ASTN2: variants seen among roughly 807,000 people sequenced by gnomAD.
ASTN2 encodes astrotactin 2.
A neutral mutation model predicts 139.8 loss-of-function variants in ASTN2; 54 were observed. That is an observed-to-expected ratio of 0.39 (90% CI 0.31 to 0.48). ASTN2 has a LOEUF of 0.48. ASTN2 is among the 20% of genes least tolerant of loss of function. The probability of loss-of-function intolerance (pLI) is 0.95; values close to 1 mark genes in which losing one functional copy is unlikely to be tolerated. For missense variants in ASTN2, 1,565 were observed against 1,725.1 expected (o/e 0.91, Z 1.64); for synonymous variants, 756 against 719.5 (o/e 1.05, Z -0.81).
intron 16 of ASTN2, among the ~76,000 whole-genome samples, chr9:116,660,943 C>T (rs1297240341): frequency 1.3e-5 from 2 of 152,118 alleles, no homozygotes; most frequent in African/African-American, 2.4e-5. Flanking sequence ...CTCCACCATC[C>T]TACAAAGTAG....
chr9:116,784,235 C>A (rs1192185503), intron 13 of ASTN2, among the ~76,000 whole-genome samples: 1 of 152,160 alleles, frequency 6.6e-6, no homozygotes, highest in African/African-American at 2.4e-5. Flanking sequence ...AATCATAACA[C>A]CCCTAATGAA....
chr9:117,180,007 G>A (rs1831016648), intron 3 of ASTN2, among the ~76,000 whole-genome samples: 1 of 152,204 alleles, frequency 6.6e-6, no homozygotes, highest in Non-Finnish European at 1.5e-5. Flanking sequence ...TCAAATGGCA[G>A]ATCTGCAGCA....
At chr9:117,368,278 C>A (rs112998243) in intron 1 of ASTN2, among the ~76,000 whole-genome samples, 2 of 151,920 alleles carry the variant, frequency 1.3e-5, no homozygotes, top group African/African-American at 4.8e-5. Flanking sequence ...CATGCACATG[C>A]GCACACATGT....
intron 17 of ASTN2, among the ~76,000 whole-genome samples, chr9:116,645,727 T>C (rs1588135395): frequency 6.6e-6 from 1 of 152,188 alleles, no homozygotes; most frequent in Non-Finnish European, 1.5e-5. Context: ...GCCAACAGAA[T>C]ACAAGTTCCA....
intron 1 of ASTN2, among the ~76,000 whole-genome samples, chr9:117,340,444 C>G (rs1294998001): frequency 2.6e-5 from 4 of 151,258 alleles, no homozygotes; most frequent in African/African-American, 9.7e-5. Flanking sequence ...AAGAAAAATG[C>G]CCGGTGCACC....
chr9:116,606,912 C>T lies in ASTN2; in HGVS notation c.3355+11412G>A, dbSNP rs10983264. On this transcript the variant is annotated intron_variant, in intron 19 of 22. Transcript: ENST00000313400. Reference sequence around the variant, plus strand: ...AATAAATCCAGAAGCCAGGTTTTCCCAAGTCCATATTTTTTCATTAGGCTT... The same window carrying T: ...AATAAATCCAGAAGCCAGGTTTTCCTAAGTCCATATTTTTTCATTAGGCTT... Among the ~76,000 whole-genome samples, 2,891 of 152,242 alleles carry T rather than the reference C, an allele frequency of 0.019. 393 individuals carry two copies. In the South Asian group the frequency reaches 0.29, roughly 15 times the overall value.
chr9:116,955,073 C>T (rs75356526), intron 10 of ASTN2, among the ~76,000 whole-genome samples: 3,334 of 152,306 alleles, frequency 0.022, 58 homozygotes, highest in Non-Finnish European at 0.034. Flanking sequence ...GATGAGGACT[C>T]GAAGTCTGGT....
rs1402642792 is a variant in ASTN2 at position 116,425,668 on chromosome 9, T to C, written c.*183A>G. The stretch of plus-strand genomic sequence containing the variant: ...GATAGAGAAAAATGAATAATTCCAT[T>C]GGTTACAAAGGTCTCTGTCCACTAT... On this transcript the variant is annotated 3_prime_UTR_variant, in exon 23 of 23. Transcript: ENST00000313400. 1 of 1,609,736 alleles carries C rather than the reference T, an allele frequency of 6.2e-7. No homozygotes were observed. The highest frequency in any genetic ancestry group is 8.5e-7 in the Non-Finnish European group (1 of 1,178,400).
In ASTN2 at chr9:116,538,459, ACTTT is replaced by A. The variant is rs574587233; in HGVS notation, c.3356-50963_3356-50960del. Among the ~76,000 whole-genome samples the A allele has an allele frequency of 3.4e-3, 521 of 152,214 alleles. 3 individuals carry two copies. The highest frequency in any genetic ancestry group is 0.012 in the African/African-American group (499 of 41,524). ...TGGCCCATGACTTTGTATTTTAAAAACTTTCTTCAGGTGATTCTCATACCCAAGG... is the reference window on the plus strand; with the variant it reads ...TGGCCCATGACTTTGTATTTTAAAAACTTCAGGTGATTCTCATACCCAAGG... On this transcript the variant is annotated intron_variant, in intron 19 of 22. Coordinates refer to ENST00000313400, the MANE Select transcript of ASTN2 (RefSeq NM_001365068.1).
intron 10 of ASTN2, among the ~76,000 whole-genome samples, chr9:116,901,315 C>A (rs1468856290): frequency 6.6e-6 from 1 of 152,026 alleles, no homozygotes; most frequent in Non-Finnish European, 1.5e-5. Flanking sequence ...AGTTTGAGAC[C>A]AGCCTGGGTA....
At chr9:116,746,586 T>C (rs1829241021) in intron 13 of ASTN2, among the ~76,000 whole-genome samples, 2 of 152,208 alleles carry the variant, frequency 1.3e-5, no homozygotes, top group African/African-American at 2.4e-5. Context: ...TGATAACTTA[T>C]TCATGGGTTC....
chr9:116,648,936 A>G (rs1238240614), intron 17 of ASTN2, among the ~76,000 whole-genome samples: 1 of 152,072 alleles, frequency 6.6e-6, no homozygotes, highest in Non-Finnish European at 1.5e-5. Context: ...CAGGAGGCTG[A>G]GGCAGAAGAA....
intron 6 of ASTN2, among the ~76,000 whole-genome samples, chr9:117,014,733 T>A (rs1374832274): frequency 6.6e-6 from 1 of 151,840 alleles, no homozygotes; most frequent in African/African-American, 2.4e-5. Context: ...TTAGGGCGGG[T>A]CCTATTTCAA....
intron 10 of ASTN2, among the ~76,000 whole-genome samples, chr9:116,923,227 G>T (rs1834663275): frequency 6.6e-6 from 1 of 152,190 alleles, no homozygotes; most frequent in African/African-American, 2.4e-5. Context: ...AAGTCTGGAA[G>T]TCCTTCCTGT....
At chr9:117,252,156 G>T (rs1407980256) in intron 2 of ASTN2, among the ~76,000 whole-genome samples, 1 of 152,120 alleles carries the variant, frequency 6.6e-6, no homozygotes, top group African/African-American at 2.4e-5. Flanking sequence ...GGAGATCAAG[G>T]CCAGGCTCAT....
chr9:116,688,318 C>CTA (rs1860379976), intron 16 of ASTN2, among the ~76,000 whole-genome samples: 1 of 151,982 alleles, frequency 6.6e-6, no homozygotes, highest in Non-Finnish European at 1.5e-5. Flanking sequence ...CCTAACTGGG[C>CTA]TATAAAATCA....
chr9:116,980,840 G>A (rs1836491492), intron 7 of ASTN2, among the ~76,000 whole-genome samples: 1 of 152,188 alleles, frequency 6.6e-6, no homozygotes, highest in South Asian at 2.1e-4. Context: ...GACAGCCAGA[G>A]CTGAGGGTAA....
At chr9:117,048,160 A>G (rs1363933528) in intron 5 of ASTN2, among the ~76,000 whole-genome samples, 1 of 152,150 alleles carries the variant, frequency 6.6e-6, no homozygotes, top group Non-Finnish European at 1.5e-5. Flanking sequence ...GGCAGAGCAG[A>G]AGCAACAAAT....
chr9:116,576,123 G>T (rs2131700632), intron 19 of ASTN2, among the ~76,000 whole-genome samples: 1 of 152,254 alleles, frequency 6.6e-6, no homozygotes, highest in South Asian at 2.1e-4. Flanking sequence ...CCCTTTTACA[G>T]GGAATTCATC....
Sources: allele counts gnomAD v4.1 joint callset (sites outside exome capture counted in the v4.1 genomes callset), GRCh38; gene constraint gnomAD v4.1.1; transcripts MANE v1.5; gene names NCBI Gene and HGNC (gene_info 2026-07-23, HGNC 2026-07-21).